The following TYW1B variants were observed in gnomAD, a reference collection of about 807,000 sequenced individuals.
TYW1B encodes the protein S-adenosyl-L-methionine-dependent tRNA 4-demethylwyosine synthase TYW1B.
TYW1B carries 73 observed loss-of-function variants against 86.9 expected under a neutral mutation model. The observed-to-expected ratio is 0.84, with a 90% CI of 0.70 to 1.02. The LOEUF is 1.02. Ranked by LOEUF, TYW1B falls within the 50% of genes least tolerant of loss-of-function variation. The pLI is 0.00. For synonymous variants in TYW1B, 248 were observed against 292.8 expected (o/e 0.85, Z 1.56); for missense variants, 637 against 827.4 (o/e 0.77, Z 2.82).
intron 13 of TYW1B, among the ~76,000 whole-genome samples, chr7:72,588,271 T>C (rs2960976): frequency 0.2 from 26,960 of 136,558 alleles, no homozygotes; most frequent in African/African-American, 0.26. Context: ...AAGTTTCAAC[T>C]TTAATCTCCA....
intron 11 of TYW1B, among the ~76,000 whole-genome samples, chr7:72,662,333 C>A (rs1381233020): frequency 2.6e-5 from 4 of 152,048 alleles, no homozygotes; most frequent in Non-Finnish European, 4.4e-5. Context: ...GCCACTGGAC[C>A]AGGTCGGGGT....
chr7:72,632,399 TA>T (rs1451907645), intron 11 of TYW1B, among the ~76,000 whole-genome samples: 1 of 94,518 alleles, frequency 1.1e-5, no homozygotes, highest in South Asian at 2.6e-4. Context: ...TATATATATA[TA>T]ATATATATAT....
At chr7:72,784,876 C>T (rs1357756655) in intron 6 of TYW1B, among the ~76,000 whole-genome samples, 2 of 152,084 alleles carry the variant, frequency 1.3e-5, no homozygotes, top group African/African-American at 4.8e-5. Flanking sequence ...AATCAAATCA[C>T]ATTGCCTCCC....
At chr7:72,732,394 A>G (rs1563075391) in intron 8 of TYW1B, among the ~76,000 whole-genome samples, 1 of 152,240 alleles carries the variant, frequency 6.6e-6, no homozygotes, top group Admixed American at 6.5e-5. Context: ...AAAAAATGTT[A>G]AAAAATCAAA....
At chr7:72,728,527 G>A (rs1190936343) in intron 9 of TYW1B, among the ~76,000 whole-genome samples, 17 of 152,178 alleles carry the variant, frequency 1.1e-4, no homozygotes, top group Admixed American at 2.6e-4. Flanking sequence ...GGCTCATCTC[G>A]AACTCCTGAC....
rs782513214 is a variant in TYW1B at position 72,807,058 on chromosome 7, C to A, written c.723+8G>T. 3.7e-6 allele frequency: 6 copies of A among 1,611,714 alleles called. No homozygotes were observed. The highest frequency in any genetic ancestry group is 5.1e-6 in the Non-Finnish European group (6 of 1,178,388). The stretch of plus-strand genomic sequence containing the variant: ...AAGCATCAAGAGATGAACACACAGG[C>A]GGTATACCTTGGTGTCTCTGTGATG... On this transcript the variant is annotated splice_region_variant and intron_variant, in intron 5 of 13. Coordinates refer to ENST00000620995, the MANE Select transcript of TYW1B (RefSeq NM_001145440.3).
chr7:72,665,277 G>A (rs1334662158), intron 11 of TYW1B, among the ~76,000 whole-genome samples: 4 of 152,214 alleles, frequency 2.6e-5, no homozygotes, highest in Non-Finnish European at 5.9e-5. Context: ...CATGATGGCT[G>A]GAGCTCTAGC....
intron 7 of TYW1B, among the ~76,000 whole-genome samples, chr7:72,776,970 G>A (rs1213448325): frequency 6.6e-6 from 1 of 151,910 alleles, no homozygotes; most frequent in Non-Finnish European, 1.5e-5. Flanking sequence ...AGGAAAGGAG[G>A]TCGGTCTACT....
intron 13 of TYW1B, among the ~76,000 whole-genome samples, chr7:72,609,922 C>T (rs1811894783): frequency 6.6e-6 from 1 of 152,172 alleles, no homozygotes; most frequent in Non-Finnish European, 1.5e-5. Flanking sequence ...ATTATTTCCT[C>T]ATGGCTGTGG....
chr7:72,728,054 A>G (rs1457278568), intron 9 of TYW1B, among the ~76,000 whole-genome samples: 1 of 152,162 alleles, frequency 6.6e-6, no homozygotes, highest in Admixed American at 6.5e-5. Flanking sequence ...ATTACTGTGC[A>G]TTAGATGGAA....
intron 10 of TYW1B, among the ~76,000 whole-genome samples, chr7:72,696,192 C>A (rs1391121594): frequency 2.0e-5 from 3 of 152,156 alleles, no homozygotes; most frequent in African/African-American, 7.2e-5. Flanking sequence ...AGGTGATCCA[C>A]GCACCTTGGC....
chr7:72,774,060 CT>C (rs1220037776), intron 7 of TYW1B, among the ~76,000 whole-genome samples: 5 of 119,898 alleles, frequency 4.2e-5, no homozygotes, highest in African/African-American at 1.3e-4. Context: ...GAAACTCCAT[CT>C]CAAAAAAAAA....
chr7:72,660,929 G>A (rs1438202855), intron 11 of TYW1B, among the ~76,000 whole-genome samples: 1 of 151,442 alleles, frequency 6.6e-6, no homozygotes, highest in Non-Finnish European at 1.5e-5. Context: ...CTGAGGTCAG[G>A]AGTTCAAGAC....
intron 11 of TYW1B, among the ~76,000 whole-genome samples, chr7:72,648,874 C>T (rs1300324223): frequency 2.6e-5 from 4 of 152,124 alleles, no homozygotes; most frequent in Non-Finnish European, 5.9e-5. Flanking sequence ...AGGCTCAGAG[C>T]ACTGGCAGCA....
At chr7:72,808,659 T>G (rs1437425134) in intron 4 of TYW1B, among the ~76,000 whole-genome samples, 3 of 150,214 alleles carry the variant, frequency 2.0e-5, no homozygotes, top group Non-Finnish European at 4.4e-5. Context: ...TCCCAAGTAG[T>G]TGGGACTACA....
chr7:72,630,157 T>C (rs1169390543), intron 11 of TYW1B, among the ~76,000 whole-genome samples: 1 of 152,072 alleles, frequency 6.6e-6, no homozygotes, highest in Non-Finnish European at 1.5e-5. Context: ...CGTGCACCTG[T>C]AATCCCAGCT....
At chr7:72,754,283 G>A (rs1454164233) in intron 7 of TYW1B, among the ~76,000 whole-genome samples, 1 of 151,822 alleles carries the variant, frequency 6.6e-6, no homozygotes, top group African/African-American at 2.4e-5. Context: ...GGGACTACAG[G>A]TGCCCGCTGC....
chr7:72,759,276 A>G (rs537690185), intron 7 of TYW1B, among the ~76,000 whole-genome samples: 23 of 152,256 alleles, frequency 1.5e-4, no homozygotes, highest in African/African-American at 5.3e-4. Context: ...TGGAGGCTGC[A>G]GTGAGGTGAG....
chr7:72,576,892 C>T (rs1393689314), intron 13 of TYW1B, among the ~76,000 whole-genome samples: 3 of 151,774 alleles, frequency 2.0e-5, no homozygotes, highest in Non-Finnish European at 4.4e-5. Flanking sequence ...TTTCAAAGGC[C>T]GAGGCAGGTG....
Sources: allele counts gnomAD v4.1 joint callset (sites outside exome capture counted in the v4.1 genomes callset), GRCh38; gene constraint gnomAD v4.1.1; transcripts MANE v1.5; gene names NCBI Gene and HGNC (gene_info 2026-07-23, HGNC 2026-07-21).